Variants in TTN observed in about 807,000 individuals in gnomAD.
The protein encoded by TTN is connectin.
TTN carries 1,525 observed loss-of-function variants against 3,223.0 expected under a neutral mutation model. The observed-to-expected ratio is 0.47, with a 90% confidence interval of 0.45 to 0.49. The LOEUF is 0.49. Ranked by LOEUF, TTN falls within the 20% of genes least tolerant of loss-of-function variation. TTN has a pLI of 0.00. For synonymous variants in TTN, 14,094 were observed against 15,161.0 expected, an observed-to-expected ratio of 0.93 and a Z score of 5.17; for missense variants, 40,786 against 43,424.0, an observed-to-expected ratio of 0.94 and a Z score of 5.40.
At chr2:178,718,256 C>A (rs1475879651) in intron 85 of TTN, 35 bp from the exon 86 acceptor site, 1 of 1,593,250 alleles carries the variant, frequency 6.3e-7, no homozygotes, top group South Asian at 1.1e-5. Context: ...GCAAGTCAGT[C>A]ATGCCATGTA....
intron 71 of TTN, 53 bp from the exon 72 acceptor site, chr2:178,724,591 T>C: frequency 6.7e-7 from 1 of 1,502,252 alleles, no homozygotes; most frequent in Non-Finnish European, 8.9e-7. Flanking sequence ...TTACTCTGTC[T>C]CTACTATCAC....
In TTN at chr2:178,590,160, C is replaced by T. The variant is rs1204056923; in HGVS notation, c.61565G>A (p.Arg20522Lys). ...AGGTAGATCCTGAATAAGGTCCACC[C>T]TCTTTTCTCGGACCAATACTTTGCC... The part of the protein sequence containing the change: ...KEGKVLVREK[R>K]VDLIQDLPRV... The change falls in exon 304 of 363, where the codon AGG becomes AAG. Residue 20522 changes from arginine to lysine, a missense_variant. Arg to Lys is a conservative substitution (Grantham distance 26, BLOSUM62 2). Transcript: ENST00000589042. The T allele has an allele frequency of 3.1e-6, 5 of 1,612,962 alleles. No individual in the cohort carries two copies. The highest frequency in any genetic ancestry group is 4.2e-6 in the Non-Finnish European group (5 of 1,179,428).
At chr2:178,594,736 G>C in intron 295 of TTN, 90 bp from the exon 296 acceptor site, 1 of 1,085,212 alleles carries the variant, frequency 9.2e-7, no homozygotes, top group South Asian at 1.8e-5. Flanking sequence ...TCTGAAGATT[G>C]CATTTAAACA....
chr2:178,684,682 T>C lies in TTN; in HGVS notation c.32622A>G (p.Glu10874=). 6.2e-7 allele frequency: 1 copy of C among 1,610,416 alleles called. No individual in the cohort carries two copies. Among genetic ancestry groups the C allele is most frequent in the Non-Finnish European group, 8.5e-7 (1 of 1,178,958 alleles). The change falls in exon 131 of 363, where the codon GAA becomes GAG. Residue 10874 remains glutamate, a synonymous_variant. Transcript: ENST00000589042. ...KVPPKVIKME[E]PLPAKVTERH... ...TTTGTTTACCTTTGGCTGGGAGAGG[T>C]TCTTCCATCTTAATGACTTTTGGAG...
Position 178,584,952 on chromosome 2 carries a change from A to T in TTN, c.64689T>A (p.Pro21563=), listed in dbSNP as rs1575983572. 6.2e-7 allele frequency: 1 copy of T among 1,613,184 alleles called. No individual in the cohort carries two copies. The change falls in exon 310 of 363, where the codon CCT becomes CCA. Residue 21563 remains proline (P), a synonymous_variant. Coordinates refer to ENST00000589042, the MANE Select transcript of TTN (RefSeq NM_001267550.2). ...TATCAGAAATGTCAAATGGAGGCTG[A>T]GGGGGGCCGGGGGCATCTACATGAA... ...KVVVMDAPGP[P]QPPFDISDID... is the part of the protein sequence containing the mutation.
Position 178,607,576 on chromosome 2 carries a change from T to C in TTN, c.53112A>G (p.Lys17704=). 6.2e-7 allele frequency: 1 copy of C among 1,613,284 alleles called. No homozygotes were observed. Among genetic ancestry groups the C allele is most frequent in the Non-Finnish European group, 8.5e-7 (1 of 1,179,412 alleles). Residue 17704 remains lysine, a synonymous_variant, in exon 277 of 363, where the codon AAA becomes AAG. Transcript: ENST00000589042. The stretch of plus-strand genomic sequence containing the variant: ...GCTCCCCTTCTTCTTTGGTCCATAC[T>C]TTTGTAGGTACAGGGCGACCAGTCA... The part of the protein sequence containing the change: ...AVVTGRPVPT[K]VWTKEEGELD...
At chr2:178,801,215 G>A (rs977834701) in intron 3 of TTN, among the ~76,000 whole-genome samples, 2 of 152,146 alleles carry the variant, frequency 1.3e-5, no homozygotes, top group African/African-American at 2.4e-5. Flanking sequence ...CATTTAAAAC[G>A]TTAATCCCAA....
intron 311 of TTN, 104 bp downstream of exon 311, chr2:178,584,172 C>T (rs941577928): frequency 7.6e-7 from 1 of 1,315,326 alleles, no homozygotes; most frequent in East Asian, 2.3e-5. Flanking sequence ...CTTCAGATCT[C>T]TACTACTCTC....
chr2:178,577,110 A>G lies in TTN; in HGVS notation c.69225T>C (p.Tyr23075=). 11 of 1,613,244 alleles carry G rather than the reference A, an allele frequency of 6.8e-6. No homozygotes were observed. The highest frequency in any genetic ancestry group is 9.3e-6 in the Non-Finnish European group (11 of 1,179,536). Residue 23075 remains tyrosine (Y), a synonymous_variant, in exon 324 of 363, where the codon TAT becomes TAC. Coordinates refer to ENST00000589042, the MANE Select transcript of TTN (RefSeq NM_001267550.2). The part of the protein sequence containing the change: ...LEDGGSPIKS[Y]ILEKRETSRL... Reference sequence around the variant, plus strand: ...GGCTGGTTTCTCTCTTTTCAAGTATATAGGACTTAATTGGTGAGCCGCCAT... The same window carrying G: ...GGCTGGTTTCTCTCTTTTCAAGTATGTAGGACTTAATTGGTGAGCCGCCAT...
intron 52 of TTN, 46 bp downstream of exon 52, chr2:178,734,282 T>A: frequency 6.6e-7 from 1 of 1,508,080 alleles, no homozygotes; most frequent in Non-Finnish European, 8.8e-7. Context: ...GTAAGAAAGC[T>A]AGTTTGACAA....
rs769734824 is a variant in TTN, at chr2:178,776,067, C to T, written c.5797G>A (p.Glu1933Lys). ...CTCCTAAGGACAGACCTAAAATCTT[C>T]CCTCTGTTGAATCTCAAGCTTCACT... ...HKVKLEIQQREDFRSVLRRAP... is the reference protein window; with the variant it reads ...HKVKLEIQQRKDFRSVLRRAP... The change falls in exon 28 of 363, where the codon GAA becomes AAA. Residue 1933 changes from glutamate to lysine, a missense_variant. Physicochemically the swap from Glu to Lys is moderately conservative, Grantham distance 56. Coordinates refer to ENST00000589042, the MANE Select transcript of TTN (RefSeq NM_001267550.2). 4.3e-6 allele frequency: 7 copies of T among 1,614,038 alleles called. No homozygotes were observed. The highest frequency in any genetic ancestry group is 5.9e-6 in the Non-Finnish European group (7 of 1,180,008).
chr2:178,688,901 A>C (rs1435247706), intron 125 of TTN, 123 bp from the exon 126 acceptor site: 7 of 1,107,528 alleles, frequency 6.3e-6, no homozygotes, highest in African/African-American at 1.6e-5. Flanking sequence ...AACAAGTTAC[A>C]TATCACAAGG....
In TTN at chr2:178,529,175, A is replaced by AAGAAATTAC. The variant is rs768256269; in HGVS notation, c.106575_106576insGTAATTTCT (p.Thr35525_Ser35526insValIleSer). 1.1e-5 allele frequency: 17 copies of AAGAAATTAC among 1,537,550 alleles called. No individual in the cohort carries two copies. The highest frequency in any genetic ancestry group is 1.5e-5 in the Non-Finnish European group (17 of 1,148,060). ...GCTTTCTTCTGAGGTGTAATTTCAG[A>AAGAAATTAC]AGTCTTTTGTGTAGAGACTTTCTGT... On this transcript the variant is annotated inframe_insertion, in exon 360 of 363. Transcript: ENST00000589042.
At position 178,581,598 on chromosome 2, in the gene TTN, C is replaced by T; in HGVS notation, c.66670G>A (p.Glu22224Lys). 6.2e-7 allele frequency: 1 copy of T among 1,612,758 alleles called. No homozygotes were observed. Residue 22224 changes from glutamate (E) to lysine (K), a missense_variant, in exon 316 of 363, where the codon GAA becomes AAA. Coordinates refer to ENST00000589042, the MANE Select transcript of TTN (RefSeq NM_001267550.2). ...ACACGGAATTGATATTGTGTGTCTT[C>T]CATCAGGCCAGTAACCTCAAAGCGG... ...KTRFEVTGLMEDTQYQFRVYA... is the reference protein window; with the variant it reads ...KTRFEVTGLMKDTQYQFRVYA...
intron 38 of TTN, 39 bp downstream of exon 38, chr2:178,768,634 G>C: frequency 1.2e-6 from 2 of 1,613,220 alleles, no homozygotes; most frequent in Non-Finnish European, 1.7e-6. Flanking sequence ...AAGCATGTAT[G>C]ACATTTTTTC....
chr2:178,727,217 C>T lies in TTN; in HGVS notation c.20148G>A (p.Met6716Ile), dbSNP rs1157627734. ...TGACGGCCACTGAGTCAATGAAAGT[C>T]ATTCTGTACTTATCACTGGCTGGAA... is the stretch of plus-strand genomic sequence containing the variant. ...HELPASDKYRMTFIDSVAVIQ... is the reference protein window; with the variant it reads ...HELPASDKYRITFIDSVAVIQ... Residue 6716 changes from methionine (M) to isoleucine (I), a missense_variant, in exon 69 of 363, where the codon ATG (methionine) becomes ATA (isoleucine). By Grantham distance (10) the Met-to-Ile change is conservative (BLOSUM62 1). Transcript: ENST00000589042. 3.7e-6 allele frequency: 6 copies of T among 1,613,210 alleles called. No homozygotes were observed. The highest frequency in any genetic ancestry group is 5.1e-6 in the Non-Finnish European group (6 of 1,179,414).
At position 178,775,495 on chromosome 2, in the gene TTN, C is replaced by A. The variant is rs267599088; in HGVS notation, c.6369G>T (p.Arg2123=). The A allele has an allele frequency of 6.2e-7, 1 of 1,613,850 alleles. No individual in the cohort carries two copies. The highest frequency in any genetic ancestry group is 2.2e-5 in the East Asian group (1 of 44,832). Reference sequence around the variant, plus strand: ...TGTCTTCGGGCCAGTACCAGTAGATCCGGTCAGACCGTTCAATTTTGACAC... The same window carrying A: ...TGTCTTCGGGCCAGTACCAGTAGATACGGTCAGACCGTTCAATTTTGACAC... ...KNGVKIERSD[R]IYWYWPEDNV... The change falls in exon 28 of 363, where the codon CGG becomes CGT. Residue 2123 remains arginine (R), a synonymous_variant. Transcript: ENST00000589042.
chr2:178,681,725 A>T lies in TTN; in HGVS notation c.33108T>A (p.Pro11036=). 1 of 1,596,424 alleles carries T rather than the reference A, an allele frequency of 6.3e-7. No homozygotes were observed. Among genetic ancestry groups the T allele is most frequent in the Non-Finnish European group, 8.5e-7 (1 of 1,175,698 alleles). Reference sequence around the variant, plus strand: ...CTTCTGGGACAGGCTTTACAGGGATAGGCTTCTCTGGTTCTTTAAAAGTAC... The same window carrying T: ...CTTCTGGGACAGGCTTTACAGGGATTGGCTTCTCTGGTTCTTTAAAAGTAC... ...HEEYITEPEK[P]IPVKPVPEEP... is the part of the protein sequence containing the mutation. Residue 11036 remains proline, a synonymous_variant, in exon 136 of 363, where the codon CCT becomes CCA. Coordinates refer to ENST00000589042, the MANE Select transcript of TTN (RefSeq NM_001267550.2).
At position 178,531,226 on chromosome 2, in the gene TTN, C is replaced by T; in HGVS notation, c.105389G>A (p.Arg35130Lys). The part of the protein sequence containing the change: ...TRKIKTTLAA[R>K]ILTKPRSMTV... ...CATGGACCGTGGCTTTGTTAGAATT[C>T]TTGCTGCCAAAGTCGTCTTGATCTT... The change falls in exon 358 of 363, where the codon AGA (arginine) becomes AAA (lysine). Residue 35130 changes from arginine (R) to lysine (K), a missense_variant. By Grantham distance (26) the Arg-to-Lys change is conservative. Transcript: ENST00000589042. 2 of 1,613,956 alleles carry T rather than the reference C, an allele frequency of 1.2e-6. No individual in the cohort carries two copies. Among genetic ancestry groups the T allele is most frequent in the Non-Finnish European group, 1.7e-6 (2 of 1,179,860 alleles).
Sources: allele counts gnomAD v4.1 joint callset (sites outside exome capture counted in the v4.1 genomes callset), GRCh38; gene constraint gnomAD v4.1.1; transcripts MANE v1.5; gene names NCBI Gene and HGNC (gene_info 2026-07-23, HGNC 2026-07-21).